Variants in FAM83B observed in about 807,000 individuals in gnomAD.
The protein encoded by FAM83B is scaffolding CK1 anchoring protein B, also known as protein FAM83B.
In FAM83B, 26 loss-of-function variants were observed where a neutral mutation model predicts 38.8. The ratio of observed to expected loss-of-function variants is 0.67; its 90% CI spans 0.49 to 0.93. The LOEUF (loss-of-function observed/expected upper bound fraction) is 0.93, where lower values mean the gene tolerates loss of function less well. Among genes scored for constraint, FAM83B ranks in the 40% least tolerant of loss-of-function variants. The probability of loss-of-function intolerance (pLI) is 0.00; values close to 1 mark genes in which losing one functional copy is unlikely to be tolerated. For synonymous variants in FAM83B, 419 were observed against 423.1 expected (o/e 0.99, Z 0.12); for missense variants, 1,237 against 1,197.3 (o/e 1.03, Z -0.49).
intron 2 of FAM83B, among the ~76,000 whole-genome samples, chr6:54,876,147 T>A (rs1170597576): frequency 6.6e-6 from 1 of 151,762 alleles, no homozygotes; most frequent in Non-Finnish European, 1.5e-5. Flanking sequence ...AGAATTTAGC[T>A]TTAAAAAGAA....
chr6:54,911,105 G>A (rs995385665), intron 2 of FAM83B, among the ~76,000 whole-genome samples: 1 of 151,630 alleles, frequency 6.6e-6, no homozygotes, highest in Non-Finnish European at 1.5e-5. Flanking sequence ...GGTACAGAGA[G>A]AGTGAGCATG....
In FAM83B at chr6:54,940,836, T is replaced by C; in HGVS notation, c.1865T>C (p.Val622Ala). 6.2e-7 allele frequency: 1 copy of C among 1,614,008 alleles called. No homozygotes were observed. The highest frequency in any genetic ancestry group is 8.5e-7 in the Non-Finnish European group (1 of 1,180,004). ...HTLQVPENHS[V>A]ALNQTTNGHT... Reference sequence around the variant, plus strand: ...TTGCAGGTTCCTGAAAACCACTCAGTAGCCTTAAACCAAACTACAAATGGC... The same window carrying C: ...TTGCAGGTTCCTGAAAACCACTCAGCAGCCTTAAACCAAACTACAAATGGC... The change falls in exon 5 of 5, where the codon GTA (valine) becomes GCA (alanine). Residue 622 changes from valine (V) to alanine (A), a missense_variant. Val to Ala is a moderately conservative substitution (Grantham distance 64). Coordinates refer to ENST00000306858, the MANE Select transcript of FAM83B (RefSeq NM_001010872.3).
chr6:54,932,861 C>T (rs1478394193), intron 4 of FAM83B, among the ~76,000 whole-genome samples: 1 of 152,138 alleles, frequency 6.6e-6, no homozygotes. Flanking sequence ...TGTGACAAAT[C>T]ACCTTTCTTT....
upstream of FAM83B, chr6:54,846,645 C>T (rs1192779916): frequency 6.6e-6 from 1 of 152,282 alleles, no homozygotes; most frequent in Non-Finnish European, 1.5e-5. Context: ...CCCTCCAGCG[C>T]TGCACCTTGT....
At chr6:54,849,837 T>G (rs9464149) in intron 1 of FAM83B, among the ~76,000 whole-genome samples, 70,397 of 151,422 alleles carry the variant, frequency 0.46, 17,102 homozygotes, top group African/African-American at 0.55. Flanking sequence ...GAAACTTAAA[T>G]TAGTCATGGT....
At position 54,939,820 on chromosome 6, in the gene FAM83B, T is replaced by C. The variant is rs1177807283; in HGVS notation, c.849T>C (p.Pro283=). 5 of 1,613,908 alleles carry C rather than the reference T, an allele frequency of 3.1e-6. No homozygotes were observed. The highest frequency in any genetic ancestry group is 4.2e-6 in the Non-Finnish European group (5 of 1,179,976). ...CTCTCTATGCCAGATCCTGTGTCCC[T>C]AGTTCATTTGCTCAGGAAGAATCAG... The part of the protein sequence containing the change: ...FRTLYARSCV[P]SSFAQEESAR... The change falls in exon 5 of 5, where the codon CCT becomes CCC. Residue 283 remains proline (P), a synonymous_variant. Coordinates refer to ENST00000306858, the MANE Select transcript of FAM83B (RefSeq NM_001010872.3).
chr6:54,885,288 T>G (rs1390044476), intron 2 of FAM83B, among the ~76,000 whole-genome samples: 3 of 152,160 alleles, frequency 2.0e-5, no homozygotes, highest in Non-Finnish European at 4.4e-5. Flanking sequence ...TATTAAGTTA[T>G]GTTTAATTTT....
intron 1 of FAM83B, among the ~76,000 whole-genome samples, chr6:54,858,651 A>G (rs1424170154): frequency 6.6e-6 from 1 of 152,240 alleles, no homozygotes; most frequent in African/African-American, 2.4e-5. Flanking sequence ...CATGCTTTAT[A>G]GCTAATTTGT....
chr6:54,928,077 C>A (rs1293470607), intron 4 of FAM83B, among the ~76,000 whole-genome samples: 4 of 152,102 alleles, frequency 2.6e-5, no homozygotes, highest in Admixed American at 2.6e-4. Context: ...AACTGGCAAC[C>A]CAGTCCAGGT....
At chr6:54,908,131 G>GA (rs200867108) in intron 2 of FAM83B, among the ~76,000 whole-genome samples, 182 of 138,988 alleles carry the variant, frequency 1.3e-3, no homozygotes, top group Non-Finnish European at 1.9e-3. Context: ...GGATTTCATG[G>GA]AAAAAAAAAA....
At chr6:54,846,562 G>A (rs879325659), upstream of FAM83B, among the ~76,000 whole-genome samples, 7 of 152,202 alleles carry the variant, frequency 4.6e-5, no homozygotes, top group Admixed American at 6.5e-5. Context: ...GACAGGTTCC[G>A]AGCGCTTTCT....
chr6:54,885,864 G>A (rs2127579067), intron 2 of FAM83B, among the ~76,000 whole-genome samples: 1 of 151,926 alleles, frequency 6.6e-6, no homozygotes, highest in East Asian at 1.9e-4. Context: ...TATATCTAAT[G>A]CTAAATGACG....
At chr6:54,879,468 G>T (rs1187233458) in intron 2 of FAM83B, among the ~76,000 whole-genome samples, 1 of 152,178 alleles carries the variant, frequency 6.6e-6, no homozygotes, top group Non-Finnish European at 1.5e-5. Flanking sequence ...TGGGTCAGGT[G>T]AGTGGAAGAA....
intron 2 of FAM83B, among the ~76,000 whole-genome samples, chr6:54,917,273 C>A (rs546715903): frequency 2.0e-5 from 3 of 152,198 alleles, no homozygotes; most frequent in Non-Finnish European, 4.4e-5. Flanking sequence ...AGTAAATACT[C>A]TCAGGCTGTG....
intron 1 of FAM83B, among the ~76,000 whole-genome samples, chr6:54,869,529 C>T (rs1001398892): frequency 2.6e-5 from 4 of 151,970 alleles, no homozygotes; most frequent in Admixed American, 2.6e-4. Flanking sequence ...ACCAAACTCT[C>T]ATATCTCTTC....
At chr6:54,867,680 C>T (rs573372271) in intron 1 of FAM83B, among the ~76,000 whole-genome samples, 60 of 151,970 alleles carry the variant, frequency 3.9e-4, no homozygotes, top group Admixed American at 3.3e-3. Context: ...ATGGTCCTTT[C>T]GAGGTCTGTG....
chr6:54,855,820 A>T (rs796644651), intron 1 of FAM83B, among the ~76,000 whole-genome samples: 2 of 152,236 alleles, frequency 1.3e-5, no homozygotes, highest in East Asian at 3.8e-4. Context: ...CACACAGAGT[A>T]AATAATTTGA....
intron 1 of FAM83B, among the ~76,000 whole-genome samples, chr6:54,858,581 C>T (rs932485416): frequency 1.3e-5 from 2 of 152,052 alleles, no homozygotes; most frequent in African/African-American, 4.8e-5. Flanking sequence ...TCTTTTCTTG[C>T]TATTGAAATA....
chr6:54,861,739 C>A (rs955783120), intron 1 of FAM83B, among the ~76,000 whole-genome samples: 1 of 152,132 alleles, frequency 6.6e-6, no homozygotes, highest in African/African-American at 2.4e-5. Flanking sequence ...CTTGTTCTCA[C>A]TGTCCGATAA....
Sources: allele counts gnomAD v4.1 joint callset (sites outside exome capture counted in the v4.1 genomes callset), GRCh38; gene constraint gnomAD v4.1.1; transcripts MANE v1.5; gene names NCBI Gene and HGNC (gene_info 2026-07-23, HGNC 2026-07-21).